Variants in ATG7 observed in about 807,000 individuals in gnomAD.
ATG7 encodes the protein ubiquitin-like modifier-activating enzyme ATG7.
In ATG7, 70 loss-of-function variants were observed where a neutral mutation model predicts 82.4. The observed-to-expected ratio is 0.85, with a 90% CI of 0.70 to 1.04. The LOEUF (loss-of-function observed/expected upper bound fraction) is 1.04, where lower values mean the gene tolerates loss of function less well. Ranked by LOEUF, ATG7 falls within the 50% of genes least tolerant of loss-of-function variation. ATG7 has a pLI of 0.00. For missense variants in ATG7, 792 were observed against 864.3 expected, an observed-to-expected ratio of 0.92 and a Z score of 1.05; for synonymous variants, 287 against 313.0, an observed-to-expected ratio of 0.92 and a Z score of 0.88.
chr3:11,544,122 G>A (rs1452358143), intron 20 of ATG7, among the ~76,000 whole-genome samples: 1 of 152,224 alleles, frequency 6.6e-6, no homozygotes, highest in African/African-American at 2.4e-5. Flanking sequence ...CCTTGGCCCA[G>A]GGGTGAAGGG....
intron 20 of ATG7, among the ~76,000 whole-genome samples, chr3:11,507,964 AAAAAAAC>A (rs1311805499): frequency 2.0e-5 from 3 of 150,316 alleles, no homozygotes; most frequent in African/African-American, 7.3e-5. Flanking sequence ...AAAAAAAAAC[AAAAAAAC>A]AAAAAACAAA....
chr3:11,442,739 CAAAAAAAAAAAAA>C (rs57073881), intron 20 of ATG7, among the ~76,000 whole-genome samples: 75 of 69,248 alleles, frequency 1.1e-3, no homozygotes, highest in African/African-American at 2.5e-3. Context: ...TCCATCTCTA[CAAAAAAAAAAAAA>C]AAAAAAAAAA....
intron 20 of ATG7, among the ~76,000 whole-genome samples, chr3:11,491,764 G>A (rs1405895267): frequency 6.6e-6 from 1 of 152,120 alleles, no homozygotes; most frequent in Admixed American, 6.5e-5. Flanking sequence ...CTGGGTACTA[G>A]CAGCGGTGTC....
intron 20 of ATG7, among the ~76,000 whole-genome samples, chr3:11,492,167 C>T (rs955573882): frequency 2.6e-5 from 4 of 152,184 alleles, no homozygotes; most frequent in Admixed American, 6.5e-5. Flanking sequence ...TCTCCTGGTG[C>T]GCCGTTTTTA....
the ATG7 span, among the ~76,000 whole-genome samples, chr3:11,570,263 G>A: frequency 6.6e-6 from 1 of 151,858 alleles, no homozygotes; most frequent in Non-Finnish European, 1.5e-5. Flanking sequence ...TCACCTCGCA[G>A]CTCCATCCCA....
chr3:11,298,205 G>A (rs1946252144), intron 3 of ATG7, among the ~76,000 whole-genome samples: 2 of 151,978 alleles, frequency 1.3e-5, no homozygotes, highest in Non-Finnish European at 1.5e-5. Flanking sequence ...ACTGTGTCAT[G>A]AGGAGAATCA....
chr3:11,458,349 C>T (rs1032107372), intron 20 of ATG7, among the ~76,000 whole-genome samples: 3 of 152,002 alleles, frequency 2.0e-5, no homozygotes, highest in African/African-American at 4.8e-5. Flanking sequence ...CTGCAAGCTC[C>T]GCCTCCTGGG....
At chr3:11,547,919 G>T (rs2071428190) in intron 20 of ATG7, among the ~76,000 whole-genome samples, 1 of 152,144 alleles carries the variant, frequency 6.6e-6, no homozygotes, top group African/African-American at 2.4e-5. Context: ...ATGGCTCACT[G>T]TAGCCTTGAC....
At chr3:11,549,753 G>T (rs1052880348) in intron 20 of ATG7, among the ~76,000 whole-genome samples, 2 of 152,204 alleles carry the variant, frequency 1.3e-5, no homozygotes, top group African/African-American at 4.8e-5. Flanking sequence ...GGAGTAAACA[G>T]GAGTGGAATG....
chr3:11,570,989 CGGGAAGTGA>C, the ATG7 span, among the ~76,000 whole-genome samples: 1 of 152,154 alleles, frequency 6.6e-6, no homozygotes, highest in South Asian at 2.1e-4. Flanking sequence ...CAATTTTAGA[CGGGAAGTGA>C]GGGAAGTGGT....
In ATG7 at chr3:11,422,740, C is replaced by CTTTTTTTTT. The variant is rs557755646; in HGVS notation, c.1957-4043_1957-4035dup. On this transcript the variant is annotated intron_variant, in intron 19 of 20. Transcript: ENST00000693202. ...CCTCACTATGCTTAATCATTTCTAG[C>CTTTTTTTTT]TTTTTTTTTTTTTTTTTTTTTTTTT... Among the ~76,000 whole-genome samples, 269 of 49,554 alleles carry CTTTTTTTTT rather than the reference C, an allele frequency of 5.4e-3. 64 individuals carry two copies. The highest frequency in any genetic ancestry group is 0.023 in the Middle Eastern group (1 of 44). The allele number at this position is 49,554 out of a possible 152,430, so 32.5% of individuals were successfully genotyped here.
chr3:11,457,386 GAC>G (rs1244156300), intron 20 of ATG7, among the ~76,000 whole-genome samples: 3 of 152,096 alleles, frequency 2.0e-5, no homozygotes, highest in Non-Finnish European at 2.9e-5. Flanking sequence ...TTTGAGTAAT[GAC>G]ACACACAAGA....
Position 11,340,737 on chromosome 3 carries a change from TA to T in ATG7, c.980+3del. 1 of 1,612,024 alleles carries T rather than the reference TA, an allele frequency of 6.2e-7. No individual in the cohort carries two copies. Among genetic ancestry groups the T allele is most frequent in the Non-Finnish European group, 8.5e-7 (1 of 1,178,888 alleles). On this transcript the variant is annotated splice_donor_region_variant and intron_variant, in intron 12 of 20. Coordinates refer to ENST00000693202, the MANE Select transcript of ATG7 (RefSeq NM_001349232.2). ...CAGTGAATGTATGGACCCTAAAAGG[TA>T]TATTTGGGAAGCTGTTTTCTCCAGT...
chr3:11,342,276 G>C lies in ATG7; in HGVS notation c.1122G>C (p.Leu374Phe). 1.2e-6 allele frequency: 2 copies of C among 1,611,910 alleles called. No individual in the cohort carries two copies. Among genetic ancestry groups the C allele is most frequent in the Non-Finnish European group, 1.7e-6 (2 of 1,179,486 alleles). ...TGGGTTGCAATGTAGCTAGGACGTTGATGGTAAGTCGGAGGTGGGGGGTGC... is the reference window on the plus strand; with the variant it reads ...TGGGTTGCAATGTAGCTAGGACGTTCATGGTAAGTCGGAGGTGGGGGGTGC... ...GTLGCNVART[L>F]MGWGVRHITF... Residue 374 changes from leucine (L) to phenylalanine (F), a missense_variant, in exon 13 of 21, where the codon TTG becomes TTC. Coordinates refer to ENST00000693202, the MANE Select transcript of ATG7 (RefSeq NM_001349232.2).
chr3:11,422,769 T>TTG lies in ATG7; in HGVS notation c.1957-4035_1957-4034insTG, dbSNP rs1386943052. 6.0e-3 allele frequency among the ~76,000 whole-genome samples: 615 copies of TTG among 102,686 alleles called. 128 individuals carry two copies. The highest frequency in any genetic ancestry group is 0.023 in the African/African-American group (591 of 25,260). 67.4% of individuals were successfully genotyped at this position (102,686 alleles called of 152,430 possible). On this transcript the variant is annotated intron_variant, in intron 19 of 20. Coordinates refer to ENST00000693202, the MANE Select transcript of ATG7 (RefSeq NM_001349232.2). Reference sequence around the variant, plus strand: ...TTTTTTTTTTTTTTTTTTTTTTTTTTGGAGACAGAGTCTCACTCCGTTGCC... The same window carrying TTG: ...TTTTTTTTTTTTTTTTTTTTTTTTTTTGGGAGACAGAGTCTCACTCCGTTGCC...
chr3:11,311,603 CAAAAA>C (rs1320350651), intron 7 of ATG7, among the ~76,000 whole-genome samples: 3 of 82,232 alleles, frequency 3.6e-5, no homozygotes, highest in Admixed American at 1.3e-4. Flanking sequence ...AGACTGTCTC[CAAAAA>C]AAAAAAAAAA....
intron 20 of ATG7, among the ~76,000 whole-genome samples, chr3:11,553,733 A>AC (rs1302831441): frequency 6.6e-6 from 1 of 152,170 alleles, no homozygotes; most frequent in African/African-American, 2.4e-5. Flanking sequence ...AGGGGCAGTG[A>AC]GAAGGCTGCC....
intron 3 of ATG7, 42 bp from the exon 4 acceptor site, chr3:11,298,644 T>G (rs939083399): frequency 1.9e-6 from 3 of 1,565,926 alleles, no homozygotes; most frequent in Non-Finnish European, 2.6e-6. Flanking sequence ...AGGTTTTGCA[T>G]GGATATGTTA....
At chr3:11,344,634 A>G (rs1257894082) in intron 13 of ATG7, among the ~76,000 whole-genome samples, 2 of 152,054 alleles carry the variant, frequency 1.3e-5, no homozygotes, top group East Asian at 1.9e-4. Context: ...TGGGAGGCCA[A>G]GGTGGGCGGA....
Sources: allele counts gnomAD v4.1 joint callset (sites outside exome capture counted in the v4.1 genomes callset), GRCh38; gene constraint gnomAD v4.1.1; transcripts MANE v1.5; gene names NCBI Gene and HGNC (gene_info 2026-07-23, HGNC 2026-07-21).